The following NOSTRIN variants were observed in gnomAD, a reference collection of about 807,000 sequenced individuals.
NOSTRIN encodes nitric oxide synthase trafficking, also known as BM247 homolog.
A neutral mutation model predicts 59.0 loss-of-function variants in NOSTRIN; 63 were observed. The ratio of observed to expected loss-of-function variants is 1.07; its 90% CI spans 0.87 to 1.32. NOSTRIN has a LOEUF of 1.32. Ranked by LOEUF, NOSTRIN falls within the 40% of genes most tolerant of loss-of-function variation. The pLI is 0.00. For missense variants in NOSTRIN, 512 were observed against 473.1 expected, an observed-to-expected ratio of 1.08 and a Z score of -0.76; for synonymous variants, 200 against 165.4, an observed-to-expected ratio of 1.21 and a Z score of -1.61.
chr2:168,853,968 A>G (rs1688926929), intron 10 of NOSTRIN, among the ~76,000 whole-genome samples: 1 of 152,192 alleles, frequency 6.6e-6, no homozygotes, highest in African/African-American at 2.4e-5. Context: ...CCCGGGTCCA[A>G]GTGATTCTCC....
At chr2:168,804,165 G>A (rs1440896648) in intron 1 of NOSTRIN, among the ~76,000 whole-genome samples, 1 of 152,310 alleles carries the variant, frequency 6.6e-6, no homozygotes, top group East Asian at 1.9e-4. Flanking sequence ...GCAAAGTCAA[G>A]TCTTCAGACG....
At position 168,856,775 on chromosome 2, in the gene NOSTRIN, T is replaced by C. The variant is rs1285230615; in HGVS notation, c.1050T>C (p.Asp350=). 7 of 1,613,714 alleles carry C rather than the reference T, an allele frequency of 4.3e-6. No homozygotes were observed. The South Asian group carries it at 7.7e-5, about 18-fold the overall frequency. The change falls in exon 12 of 16, where the codon GAT becomes GAC. Residue 350 remains aspartate (D), a synonymous_variant. Coordinates refer to ENST00000317647, the MANE Select transcript of NOSTRIN (RefSeq NM_001039724.4). ...AGAAAGACACAGCAGCGTTAATGGATGAGGTAAATGTTTGCCGAGTGCATT... is the reference window on the plus strand; with the variant it reads ...AGAAAGACACAGCAGCGTTAATGGACGAGGTAAATGTTTGCCGAGTGCATT... The part of the protein sequence containing the change: ...KSQKDTAALM[D]ENNLKLDLLE...
chr2:168,811,698 T>C, intron 2 of NOSTRIN, 46 bp downstream of exon 2: 2 of 764,000 alleles, frequency 2.6e-6, no homozygotes, highest in Non-Finnish European at 4.6e-6. Context: ...TCTTTAGTTG[T>C]AGCAAGTGAT....
At chr2:168,817,723 A>G (rs1686490001) in intron 2 of NOSTRIN, among the ~76,000 whole-genome samples, 1 of 152,136 alleles carries the variant, frequency 6.6e-6, no homozygotes, top group African/African-American at 2.4e-5. Flanking sequence ...GAGACTCCCA[A>G]ACTAGACCCT....
chr2:168,823,017 T>C (rs555069936), intron 2 of NOSTRIN, among the ~76,000 whole-genome samples: 2 of 152,264 alleles, frequency 1.3e-5, no homozygotes, highest in South Asian at 4.1e-4. Flanking sequence ...ACTTTTGTTT[T>C]TGTTTTTGTT....
At chr2:168,795,765 C>G (rs757849484), upstream of NOSTRIN, among the ~76,000 whole-genome samples, 3 of 152,154 alleles carry the variant, frequency 2.0e-5, no homozygotes, top group Non-Finnish European at 4.4e-5. Flanking sequence ...ATTTTTACAA[C>G]CACAAAGTAA....
chr2:168,823,517 C>G (rs1488472556), intron 2 of NOSTRIN, among the ~76,000 whole-genome samples: 1 of 152,194 alleles, frequency 6.6e-6, no homozygotes, highest in Non-Finnish European at 1.5e-5. Context: ...CTTGTAGATG[C>G]ACCACTCAGA....
chr2:168,855,783 T>C (rs1223873393), intron 11 of NOSTRIN: 2 of 420,480 alleles, frequency 4.8e-6, no homozygotes, highest in Non-Finnish European at 4.5e-6. Context: ...GTTTAAAACA[T>C]GGTCAACCAA....
rs954316693 is a variant in NOSTRIN, at chr2:168,864,830, A to T, written c.1385-4A>T. On this transcript the variant is annotated splice_polypyrimidine_tract_variant and splice_region_variant and intron_variant, in intron 15 of 15. Coordinates refer to ENST00000317647, the MANE Select transcript of NOSTRIN (RefSeq NM_001039724.4). ...GACCCATTTGTCTAACTGTATTTTC[A>T]CAGGTGACATTGTGATTATACACGA... 3.7e-6 allele frequency: 6 copies of T among 1,613,728 alleles called. No individual in the cohort carries two copies. Among genetic ancestry groups the T allele is most frequent in the Non-Finnish European group, 5.1e-6 (6 of 1,179,780 alleles).
intron 15 of NOSTRIN, 137 bp downstream of exon 15, chr2:168,862,186 A>G: frequency 1.4e-6 from 1 of 710,218 alleles, no homozygotes; most frequent in Non-Finnish European, 2.4e-6. Context: ...AGATAAGCAC[A>G]TCTAAAACAA....
intron 1 of NOSTRIN, among the ~76,000 whole-genome samples, chr2:168,803,179 G>T (rs1685679702): frequency 6.6e-6 from 1 of 152,110 alleles, no homozygotes; most frequent in Non-Finnish European, 1.5e-5. Flanking sequence ...CTCTCAGACT[G>T]GTTTAGCAGC....
upstream of NOSTRIN, among the ~76,000 whole-genome samples, chr2:168,798,672 A>G (rs1685544085): frequency 6.6e-6 from 1 of 152,244 alleles, no homozygotes; most frequent in African/African-American, 2.4e-5. Context: ...AAGCAGCCAG[A>G]GTATGAGTGC....
chr2:168,809,402 G>C lies in NOSTRIN; in HGVS notation c.28-2165G>C, dbSNP rs113579432. Among the ~76,000 whole-genome samples the C allele has an allele frequency of 1.5e-4, 23 of 152,312 alleles. 1 individual carries two copies. Among genetic ancestry groups the C allele is most frequent in the African/African-American group, 5.5e-4 (23 of 41,574 alleles). ...TCAGTCACATGGTTATAGATCAAAG[G>C]GGGAGGGAGGCTGAGAAATGACCTT... On this transcript the variant is annotated intron_variant, in intron 1 of 15. Transcript: ENST00000317647.
Position 168,865,093 on chromosome 2 carries a change from A to C in NOSTRIN, c.*123A>C, listed in dbSNP as rs1185280546. 7 of 992,670 alleles carry C rather than the reference A, an allele frequency of 7.1e-6. No individual in the cohort carries two copies. The highest frequency in any genetic ancestry group is 8.8e-6 in the Non-Finnish European group (6 of 678,938). 61.5% of individuals were successfully genotyped at this position (992,670 alleles called of 1,614,324 possible). ...TTGAAATGGATGGAGTTCTACCTGC[A>C]TGTCACAGCACTTTGCATTCATGAT... On this transcript the variant is annotated 3_prime_UTR_variant, in exon 16 of 16. Coordinates refer to ENST00000317647, the MANE Select transcript of NOSTRIN (RefSeq NM_001039724.4).
chr2:168,833,490 G>A (rs1687487787), intron 6 of NOSTRIN, among the ~76,000 whole-genome samples: 1 of 152,166 alleles, frequency 6.6e-6, no homozygotes, highest in Non-Finnish European at 1.5e-5. Flanking sequence ...CTTTCAATCA[G>A]CCTACTTCCT....
intron 1 of NOSTRIN, 105 bp from the exon 2 acceptor site, chr2:168,811,462 A>G: frequency 1.9e-6 from 1 of 516,782 alleles, no homozygotes; most frequent in Non-Finnish European, 3.4e-6. Flanking sequence ...CTTTATAATG[A>G]CAGTCATAGT....
rs77795351 is a variant in NOSTRIN at position 168,802,893 on chromosome 2, C to T, written c.27+220C>T. On this transcript the variant is annotated intron_variant, in intron 1 of 15. Transcript: ENST00000317647. ...GCAGGTAATTGTCATCTTTCCTTCT[C>T]ATATTCTTGGAAAAAGTTTTGAGAG... is the stretch of plus-strand genomic sequence containing the variant. Among the ~76,000 whole-genome samples, 910 of 152,284 alleles carry T rather than the reference C, an allele frequency of 6.0e-3. 7 individuals are homozygous for T. The highest frequency in any genetic ancestry group is 9.6e-3 in the Non-Finnish European group (653 of 68,034).
chr2:168,801,288 A>C (rs1364949487), upstream of NOSTRIN: 5 of 134,272 alleles, frequency 3.7e-5, no homozygotes, highest in South Asian at 2.3e-4. Context: ...GTAGAGTCTC[A>C]CTCTATTGCC....
chr2:168,829,932 A>T (rs1687274761), intron 5 of NOSTRIN, among the ~76,000 whole-genome samples: 1 of 152,174 alleles, frequency 6.6e-6, no homozygotes, highest in Non-Finnish European at 1.5e-5. Context: ...GTTCTGATGG[A>T]GGAGAAATGA....
Sources: gnomAD v4.1 joint callset for allele counts (sites outside exome capture counted in the v4.1 genomes callset) on GRCh38, gnomAD v4.1.1 for gene constraint, MANE v1.5 for transcripts, NCBI Gene and HGNC (gene_info 2026-07-23, HGNC 2026-07-21) for gene names.